The following CNGB1 variants were observed in gnomAD, a reference collection of about 807,000 sequenced individuals.
CNGB1 encodes the protein cyclic nucleotide gated channel subunit beta 1, also known as cyclic nucleotide-gated channel beta-1.
Under a neutral mutation model 151.7 loss-of-function variants are expected in CNGB1, and 126 were observed. That is an observed-to-expected ratio of 0.83 (90% CI 0.72 to 0.96). The LOEUF is 0.96. Ranked by LOEUF, CNGB1 falls within the 40% of genes least tolerant of loss-of-function variation. The pLI is 0.00. For missense variants in CNGB1, 1,698 were observed against 1,627.0 expected, an observed-to-expected ratio of 1.04 and a Z score of -0.75; for synonymous variants, 623 against 635.1, an observed-to-expected ratio of 0.98 and a Z score of 0.29.
intron 29 of CNGB1, among the ~76,000 whole-genome samples, chr16:57,898,185 A>G (rs533820508): frequency 2.7e-4 from 41 of 152,264 alleles, no homozygotes; most frequent in Non-Finnish European, 4.9e-4. Flanking sequence ...ATGGAATGGG[A>G]AGTGCCAGCT....
chr16:57,927,435 G>A (rs112852479), intron 17 of CNGB1, among the ~76,000 whole-genome samples: 1 of 152,222 alleles, frequency 6.6e-6, no homozygotes, highest in Admixed American at 6.5e-5. Context: ...TCAGGCAGAG[G>A]TTTCCCACCC....
At chr16:57,926,700 CTGGATGCTG>C (rs1961199364) in intron 17 of CNGB1, among the ~76,000 whole-genome samples, 1 of 152,220 alleles carries the variant, frequency 6.6e-6, no homozygotes, top group South Asian at 2.1e-4. Context: ...CACACTGCCG[CTGGATGCTG>C]TGGCTTACAC....
At position 57,903,828 on chromosome 16, in the gene CNGB1, T is replaced by A. The variant is rs1341432058; in HGVS notation, c.2788A>T (p.Met930Leu). 6.2e-7 allele frequency: 1 copy of A among 1,614,132 alleles called. No individual in the cohort carries two copies. The highest frequency in any genetic ancestry group is 2.2e-5 in the East Asian group (1 of 44,878). ...CAGGGCGTGACCATCTTACCCAGCA[T>A]GCCTTGCGAGTGCCAGGTGTACTCG... is the stretch of plus-strand genomic sequence containing the variant. ...WYEYTWHSQG[M>L]LDESELMVQL... Residue 930 changes from methionine to leucine, a missense_variant, in exon 27 of 33, where the codon ATG (methionine) becomes TTG (leucine). Physicochemically the swap from Met to Leu is conservative, Grantham distance 15. Transcript: ENST00000251102.
intron 7 of CNGB1, among the ~76,000 whole-genome samples, chr16:57,962,082 CCCCTTCTCGGAGCTCCCTGGCT>C (rs1962272220): frequency 6.6e-6 from 1 of 152,182 alleles, no homozygotes; most frequent in African/African-American, 2.4e-5. Flanking sequence ...CCAAGCAGGG[CCCCTTCTCGGAGCTCCCTGGCT>C]CCCCTCTTCG....
intron 17 of CNGB1, among the ~76,000 whole-genome samples, chr16:57,928,583 G>T (rs186516176): frequency 6.6e-6 from 1 of 152,088 alleles, no homozygotes; most frequent in Admixed American, 6.5e-5. Flanking sequence ...TTGGGTGGTG[G>T]GATTGTAGAT....
Position 57,884,368 on chromosome 16 carries a change from G to T in CNGB1, c.3552C>A (p.Pro1184=). 3.7e-6 allele frequency: 6 copies of T among 1,611,548 alleles called. No individual in the cohort carries two copies. The highest frequency in any genetic ancestry group is 5.1e-6 in the Non-Finnish European group (6 of 1,179,182). The part of the protein sequence containing the change: ...THPKEAATDP[P]APRTPPEPPG... ...GGGGCTCGGGGGGCGTCCGGGGCGCGGGTGGGTCGGTGGCGGCCTCCTTTG... is the reference window on the plus strand; with the variant it reads ...GGGGCTCGGGGGGCGTCCGGGGCGCTGGTGGGTCGGTGGCGGCCTCCTTTG... The change falls in exon 33 of 33, where the codon CCC becomes CCA. Residue 1184 remains proline, a synonymous_variant. Coordinates refer to ENST00000251102, the MANE Select transcript of CNGB1 (RefSeq NM_001297.5).
rs775701759 is a variant in CNGB1, at chr16:57,962,989, C to T, written c.366G>A (p.Thr122=). The part of the protein sequence containing the change: ...KVIPQPVHSI[T]EDPAQILGHG... ...CCAGCAGTACCTGAGCCGGGTCCTC[C>T]GTGATGCTGTGAACAGGCTGCGGGA... Residue 122 remains threonine, a synonymous_variant, in exon 5 of 33, where the codon ACG becomes ACA. Coordinates refer to ENST00000251102, the MANE Select transcript of CNGB1 (RefSeq NM_001297.5). The T allele has an allele frequency of 1.4e-5, 23 of 1,613,474 alleles. No homozygotes were observed. The highest frequency in any genetic ancestry group is 1.7e-5 in the Non-Finnish European group (20 of 1,180,028).
At position 57,898,277 on chromosome 16, in the gene CNGB1, C is replaced by G. The variant is rs563760177; in HGVS notation, c.2977-363G>C. Among the ~76,000 whole-genome samples, 11 of 152,296 alleles carry G rather than the reference C, an allele frequency of 7.2e-5. No homozygotes were observed. In the South Asian group the frequency reaches 2.1e-3, roughly 29 times the overall value. On this transcript the variant is annotated intron_variant, in intron 29 of 32. Transcript: ENST00000251102. Reference sequence around the variant, plus strand: ...GGAGGCAGGGCAAATCAGATAGCAGCTCCCACCATCAAATGATGTCTACAC... The same window carrying G: ...GGAGGCAGGGCAAATCAGATAGCAGGTCCCACCATCAAATGATGTCTACAC...
At chr16:57,888,757 CT>C (rs11436122) in intron 31 of CNGB1, among the ~76,000 whole-genome samples, 1 of 151,778 alleles carries the variant, frequency 6.6e-6, no homozygotes. Flanking sequence ...TGGCCTCTTT[CT>C]TTTTTTTAAC....
intron 1 of CNGB1, among the ~76,000 whole-genome samples, chr16:57,967,524 G>A (rs958945799): frequency 5.3e-5 from 8 of 152,014 alleles, no homozygotes; most frequent in Admixed American, 1.3e-4. Context: ...CGAGACCCTC[G>A]TCTCTACAAA....
chr16:57,947,900 A>G (rs955249068), intron 14 of CNGB1, among the ~76,000 whole-genome samples: 3 of 152,196 alleles, frequency 2.0e-5, no homozygotes, highest in African/African-American at 7.2e-5. Context: ...TGGAGGCAGA[A>G]GCTCTGAGCG....
At chr16:57,904,290 C>T (rs562479112) in intron 26 of CNGB1, among the ~76,000 whole-genome samples, 3 of 152,238 alleles carry the variant, frequency 2.0e-5, no homozygotes, top group South Asian at 2.1e-4. Flanking sequence ...TACAGTTCCT[C>T]GGTGACGGCG....
At chr16:57,917,620 G>GTA (rs1218195640) in intron 20 of CNGB1, 144 bp from the exon 21 acceptor site, 38 of 657,352 alleles carry the variant, frequency 5.8e-5, no homozygotes, top group African/African-American at 1.8e-4. Flanking sequence ...GTGTGTGTGT[G>GTA]TATATATACA....
rs749886760 is a variant in CNGB1, at chr16:57,917,299, C to T, written c.2135G>A (p.Arg712His). 1.4e-5 allele frequency: 22 copies of T among 1,613,958 alleles called. No homozygotes were observed. The highest frequency in any genetic ancestry group is 3.3e-5 in the Admixed American group (2 of 59,986). The change falls in exon 21 of 33, where the codon CGC becomes CAC. Residue 712 changes from arginine to histidine, a missense_variant. Transcript: ENST00000251102. ...GTCCCCGCCTCTGACAAACTGCAGG[C>T]GTGTCTGGAACACGGTGATGTCCAG... ...YFLDITVFQT[R>H]LQFVRGGDII...
In CNGB1 at chr16:57,882,906, T is replaced by C. The variant is rs1959796798; in HGVS notation, c.*1258A>G. The C allele has an allele frequency of 6.6e-6, 1 of 151,988 alleles. No individual in the cohort carries two copies. Among genetic ancestry groups the C allele is most frequent in the Admixed American group, 6.6e-5 (1 of 15,234 alleles). The allele number at this position is 151,988 out of a possible 1,614,324, so 9.4% of individuals were successfully genotyped here. On this transcript the variant is annotated 3_prime_UTR_variant, in exon 33 of 33. Transcript: ENST00000251102. ...GGGAGATTTCATTTTCTAGGATTAA[T>C]TGAAGTTGCTGCCACCATCTCTACA...
At chr16:57,968,118 T>G (rs1056300203) in intron 1 of CNGB1, among the ~76,000 whole-genome samples, 1 of 152,210 alleles carries the variant, frequency 6.6e-6, no homozygotes, top group Non-Finnish European at 1.5e-5. Flanking sequence ...AATGTCTCTG[T>G]GCCTCAGTTT....
chr16:57,947,963 G>A (rs920144407), intron 14 of CNGB1, among the ~76,000 whole-genome samples: 4 of 152,208 alleles, frequency 2.6e-5, no homozygotes, highest in South Asian at 4.1e-4. Context: ...TGGAGTTGGC[G>A]TTTCTGATGC....
rs778223623 is a variant in CNGB1 at position 57,949,387 on chromosome 16, C to T, written c.1087G>A (p.Glu363Lys). Residue 363 changes from glutamate to lysine, a missense_variant, in exon 14 of 33, where the codon GAG becomes AAG. Coordinates refer to ENST00000251102, the MANE Select transcript of CNGB1 (RefSeq NM_001297.5). ...TCCTCCTCTTCCTCCTCCTCCTCCTCTTCCTCTTCCTCCTCCTCATCTTCT... is the reference window on the plus strand; with the variant it reads ...TCCTCCTCTTCCTCCTCCTCCTCCTTTTCCTCTTCCTCCTCCTCATCTTCT... ...EKEDEEEEEE[E>K]EEEEEEEEVT... is the part of the protein sequence containing the mutation. 2.5e-6 allele frequency: 4 copies of T among 1,612,522 alleles called. No individual in the cohort carries two copies. Among genetic ancestry groups the T allele is most frequent in the African/African-American group, 2.7e-5 (2 of 74,656 alleles).
intron 23 of CNGB1, 83 bp from the exon 24 acceptor site, chr16:57,913,077 G>A: frequency 7.8e-7 from 1 of 1,288,688 alleles, no homozygotes; most frequent in Non-Finnish European, 1.1e-6. Flanking sequence ...CGAGACTCAG[G>A]GCTCTTCCTG....
Sources: gnomAD v4.1 joint callset for allele counts (sites outside exome capture counted in the v4.1 genomes callset) on GRCh38, gnomAD v4.1.1 for gene constraint, MANE v1.5 for transcripts, NCBI Gene and HGNC (gene_info 2026-07-23, HGNC 2026-07-21) for gene names.